HMCN1: variants seen among roughly 807,000 people sequenced by gnomAD.
HMCN1 encodes the protein hemicentin-1.
HMCN1 carries 321 observed loss-of-function variants against 625.9 expected under a neutral mutation model. The ratio of observed to expected loss-of-function variants is 0.51; its 90% CI spans 0.47 to 0.56. HMCN1 has a LOEUF of 0.56. Among genes scored for constraint, HMCN1 ranks in the 20% least tolerant of loss-of-function variants. HMCN1 has a pLI of 0.00. For synonymous variants in HMCN1, 2,425 were observed against 2,417.6 expected, an observed-to-expected ratio of 1.00 and a Z score of -0.09; for missense variants, 6,588 against 6,887.3, an observed-to-expected ratio of 0.96 and a Z score of 1.54.
intron 44 of HMCN1, 139 bp downstream of exon 44, chr1:186,054,125 G>T: frequency 1.1e-6 from 1 of 899,722 alleles, no homozygotes; most frequent in Non-Finnish European, 1.8e-6. Context: ...CATTTAAATT[G>T]TGCTGACATA....
chr1:185,774,131 T>C (rs1267361835), intron 1 of HMCN1, among the ~76,000 whole-genome samples: 1 of 152,134 alleles, frequency 6.6e-6, no homozygotes, highest in East Asian at 1.9e-4. Flanking sequence ...CCTTTCCAGA[T>C]CCCCTAACCT....
intron 11 of HMCN1, among the ~76,000 whole-genome samples, chr1:185,953,581 G>A (rs1343420908): frequency 6.6e-6 from 1 of 151,890 alleles, no homozygotes; most frequent in Non-Finnish European, 1.5e-5. Flanking sequence ...GAAGGATAGG[G>A]AGGTTGGAGA....
At chr1:186,109,117 C>T (rs753586796) in intron 71 of HMCN1, among the ~76,000 whole-genome samples, 37 of 152,160 alleles carry the variant, frequency 2.4e-4, no homozygotes, top group East Asian at 3.8e-4. Flanking sequence ...TGTCATACAG[C>T]GTCAAAGGCC....
chr1:186,005,221 A>T (rs920775620), intron 29 of HMCN1, among the ~76,000 whole-genome samples: 1 of 124,528 alleles, frequency 8.0e-6, no homozygotes. Context: ...ATGTTTATAA[A>T]CAATTTTTTA....
chr1:185,916,911 C>A (rs575378877), intron 6 of HMCN1, among the ~76,000 whole-genome samples: 34 of 152,164 alleles, frequency 2.2e-4, no homozygotes, highest in Non-Finnish European at 4.3e-4. Context: ...GAGGAAAAAA[C>A]CTGGAGGATG....
chr1:185,800,690 C>G (rs1658735033), intron 1 of HMCN1, among the ~76,000 whole-genome samples: 1 of 151,956 alleles, frequency 6.6e-6, no homozygotes, highest in Admixed American at 6.6e-5. Flanking sequence ...AAAAATGTGT[C>G]TAAAGTATTT....
chr1:186,005,583 ATAAAAACAAAAATGTGTTTAATTTTGT>A (rs1453430606), intron 29 of HMCN1, among the ~76,000 whole-genome samples: 1 of 151,944 alleles, frequency 6.6e-6, no homozygotes, highest in Non-Finnish European at 1.5e-5. Context: ...TAAATGTAAA[ATAAAAACAAAAATGTGTTTAATTTTGT>A]TAAAAACAAA....
chr1:186,167,097 C>T (rs1651928845), intron 100 of HMCN1, among the ~76,000 whole-genome samples, 155 bp downstream of exon 100: 1 of 152,200 alleles, frequency 6.6e-6, no homozygotes, highest in Non-Finnish European at 1.5e-5. Context: ...GGACTCCTGT[C>T]TCTCCGGAGG....
At chr1:186,025,299 G>A (rs1654991234) in intron 36 of HMCN1, among the ~76,000 whole-genome samples, 2 of 152,134 alleles carry the variant, frequency 1.3e-5, no homozygotes, top group Non-Finnish European at 2.9e-5. Flanking sequence ...TGTGGCCCAG[G>A]GTTGGGGACC....
intron 21 of HMCN1, 110 bp from the exon 22 acceptor site, chr1:185,990,165 A>G (rs543911048): frequency 1.0e-6 from 1 of 985,322 alleles, no homozygotes. Context: ...CCTGAATAGC[A>G]TCTTTTTATA....
At position 186,158,470 on chromosome 1, in the gene HMCN1, T is replaced by C. The variant is rs527470754; in HGVS notation, c.15256+4483T>C. ...TCCCATTTGTCAATTTTGTCTTTTG[T>C]TGCCATTGCTTTTGGTGTTTTAGAC... On this transcript the variant is annotated intron_variant, in intron 97 of 106. Coordinates refer to ENST00000271588, the MANE Select transcript of HMCN1 (RefSeq NM_031935.3). Among the ~76,000 whole-genome samples the C allele has an allele frequency of 1.1e-4, 16 of 152,354 alleles. No homozygotes were observed. In the South Asian group the frequency reaches 3.1e-3, roughly 30 times the overall value.
Position 185,908,249 on chromosome 1 carries a change from T to C in HMCN1, c.622-1088T>C, listed in dbSNP as rs181673576. Among the ~76,000 whole-genome samples the C allele has an allele frequency of 8.9e-4, 136 of 152,108 alleles. 1 individual carries two copies. Among genetic ancestry groups the C allele is most frequent in the South Asian group, 4.1e-4 (2 of 4,826 alleles). On this transcript the variant is annotated intron_variant, in intron 4 of 106. Transcript: ENST00000271588. The stretch of plus-strand genomic sequence containing the variant: ...AGAAACAGAAAAAAAAAAGGGATAC[T>C]TTTCACAGAAAATAAAAATGTTGCA...
chr1:186,018,397 A>G (rs1235933643), intron 34 of HMCN1, 45 bp downstream of exon 34: 2 of 1,525,916 alleles, frequency 1.3e-6, no homozygotes, highest in South Asian at 1.1e-5. Flanking sequence ...AAATTAATTT[A>G]TGCATTGTTT....
rs755981152 is a variant in HMCN1 at position 186,178,758 on chromosome 1, CAT to C, written c.16287_16288del (p.Val5431ArgfsTer3). ...GAAGGCTCTGAGGCAAGCCATGACA[CAT>C]GTGTAGGTAAATGTCAGCCATATTA... On this transcript the variant is annotated frameshift_variant, in exon 104 of 107. Transcript: ENST00000271588. LOFTEE classifies it high-confidence loss of function. 1.9e-6 allele frequency: 3 copies of C among 1,600,698 alleles called. No individual in the cohort carries two copies. Among genetic ancestry groups the C allele is most frequent in the African/African-American group, 1.3e-5 (1 of 74,730 alleles).
At chr1:185,778,599 G>T (rs937170834) in intron 1 of HMCN1, among the ~76,000 whole-genome samples, 1 of 149,744 alleles carries the variant, frequency 6.7e-6, no homozygotes, top group Admixed American at 6.8e-5. Flanking sequence ...TGCGGTGTTT[G>T]GTTTTTCGTC....
intron 70 of HMCN1, among the ~76,000 whole-genome samples, 156 bp from the exon 71 acceptor site, chr1:186,108,305 A>G (rs1248794216): frequency 6.6e-6 from 1 of 152,332 alleles, no homozygotes; most frequent in South Asian, 2.1e-4. Context: ...AGGTTAAAAA[A>G]AAAACACTTC....
intron 11 of HMCN1, among the ~76,000 whole-genome samples, chr1:185,945,881 A>T (rs964710763): frequency 1.3e-5 from 2 of 152,164 alleles, no homozygotes; most frequent in African/African-American, 4.8e-5. Flanking sequence ...ATAGAATTGG[A>T]GGAATCATTT....
chr1:185,990,226 C>T, intron 21 of HMCN1, 49 bp from the exon 22 acceptor site: 1 of 1,517,600 alleles, frequency 6.6e-7, no homozygotes, highest in East Asian at 2.3e-5. Context: ...TTAAACTGTG[C>T]TTTGTTTTCA....
At chr1:186,174,706 C>A in intron 103 of HMCN1, 64 bp downstream of exon 103, 1 of 1,449,476 alleles carries the variant, frequency 6.9e-7, no homozygotes, top group Non-Finnish European at 9.7e-7. Flanking sequence ...CTTACCAACT[C>A]GCTTAGGGCC....
Sources: allele counts gnomAD v4.1 joint callset (sites outside exome capture counted in the v4.1 genomes callset), GRCh38; gene constraint gnomAD v4.1.1; transcripts MANE v1.5; gene names NCBI Gene and HGNC (gene_info 2026-07-23, HGNC 2026-07-21).